The following PARPBP variants were observed in gnomAD, a reference collection of about 807,000 sequenced individuals.
The protein encoded by PARPBP is PARP1 binding protein, also known as PCNA-interacting partner.
A neutral mutation model predicts 50.0 loss-of-function variants in PARPBP; 52 were observed. The ratio of observed to expected loss-of-function variants is 1.04; its 90% CI spans 0.83 to 1.31. The LOEUF is 1.31. PARPBP is among the 50% of genes most tolerant of loss of function. PARPBP has a pLI of 0.00. For synonymous variants in PARPBP, 244 were observed against 232.1 expected (o/e 1.05, Z -0.47); for missense variants, 697 against 672.0 (o/e 1.04, Z -0.41).
intron 3 of PARPBP, chr12:102,150,313 T>C (rs192277034): frequency 6.6e-6 from 3 of 454,318 alleles, no homozygotes; most frequent in East Asian, 7.0e-5. Context: ...TATCCCTAGA[T>C]TGATTTCTCA....
intron 3 of PARPBP, among the ~76,000 whole-genome samples, chr12:102,152,917 TAGA>T (rs1269755828): frequency 9.1e-6 from 1 of 109,674 alleles, no homozygotes. Flanking sequence ...ATTTTCCAAG[TAGA>T]AGAACAGTAA....
chr12:102,154,592 C>T (rs374206126), intron 4 of PARPBP, among the ~76,000 whole-genome samples: 20 of 152,146 alleles, frequency 1.3e-4, no homozygotes, highest in African/African-American at 4.8e-4. Context: ...GGAGTCATAC[C>T]TTCTAAACTG....
At chr12:102,162,519 A>G (rs1887705073) in intron 4 of PARPBP, among the ~76,000 whole-genome samples, 1 of 152,194 alleles carries the variant, frequency 6.6e-6, no homozygotes, top group Non-Finnish European at 1.5e-5. Context: ...AGAAAATTCC[A>G]TGCAAGGAAT....
At position 102,148,380 on chromosome 12, in the gene PARPBP, A is replaced by C. The variant is rs1885713725; in HGVS notation, c.304A>C (p.Ser102Arg). ...GATTTATGATGATTTCTTGAAGAAC[A>C]GTAATATGTTAGATCTGATTGATGT... ...RKIYDDFLKN[S>R]NMLDLIDVYQ... Residue 102 changes from serine to arginine, a missense_variant, in exon 3 of 11, where the codon AGT becomes CGT. Ser to Arg is a moderately radical substitution (Grantham distance 110, BLOSUM62 -1). Coordinates refer to ENST00000327680, the MANE Select transcript of PARPBP (RefSeq NM_017915.5). 1 of 1,587,584 alleles carries C rather than the reference A, an allele frequency of 6.3e-7. No individual in the cohort carries two copies. The highest frequency in any genetic ancestry group is 8.6e-7 in the Non-Finnish European group (1 of 1,156,232).
intron 8 of PARPBP, among the ~76,000 whole-genome samples, chr12:102,179,884 G>C (rs1400888169): frequency 6.6e-6 from 1 of 152,152 alleles, no homozygotes; most frequent in Non-Finnish European, 1.5e-5. Context: ...GTACACTGTA[G>C]AGAATTTTCA....
chr12:102,171,875 A>G (rs921769993), intron 6 of PARPBP, among the ~76,000 whole-genome samples: 2 of 152,134 alleles, frequency 1.3e-5, no homozygotes, highest in Non-Finnish European at 2.9e-5. Flanking sequence ...CCTCAAAAAA[A>G]AAAAAAAATT....
At chr12:102,172,712 T>G (rs981290911) in intron 6 of PARPBP, among the ~76,000 whole-genome samples, 5 of 152,242 alleles carry the variant, frequency 3.3e-5, no homozygotes, top group Non-Finnish European at 7.3e-5. Context: ...GTAGAAGGAA[T>G]GAGAAAAGGA....
At chr12:102,121,688 G>A (rs1252765744) in intron 1 of PARPBP, among the ~76,000 whole-genome samples, 15 of 151,766 alleles carry the variant, frequency 9.9e-5, no homozygotes, top group African/African-American at 3.6e-4. Flanking sequence ...CAAGTAGCTG[G>A]GGTTAGAGGC....
intron 9 of PARPBP, among the ~76,000 whole-genome samples, chr12:102,188,951 A>G (rs1235978130): frequency 6.6e-6 from 1 of 152,148 alleles, no homozygotes; most frequent in Non-Finnish European, 1.5e-5. Flanking sequence ...AGGTAGGGTA[A>G]GTGGACTTGA....
chr12:102,193,331 AATTATT>A (rs1166532745), intron 9 of PARPBP, among the ~76,000 whole-genome samples: 1 of 151,852 alleles, frequency 6.6e-6, no homozygotes, highest in African/African-American at 2.4e-5. Flanking sequence ...TAAATAATAT[AATTATT>A]ATTTAGTATT....
At chr12:102,154,447 G>A (rs752741859) in intron 4 of PARPBP, among the ~76,000 whole-genome samples, 28 of 152,058 alleles carry the variant, frequency 1.8e-4, no homozygotes, top group Non-Finnish European at 2.4e-4. Flanking sequence ...TATAATTTAC[G>A]TTCAGCTGAA....
At chr12:102,192,807 C>T (rs574906290) in intron 9 of PARPBP, among the ~76,000 whole-genome samples, 8 of 151,568 alleles carry the variant, frequency 5.3e-5, no homozygotes, top group African/African-American at 1.2e-4. Flanking sequence ...CTCTAGTATA[C>T]GCTGTGCTTG....
At chr12:102,148,495 C>G (rs1254503776) in intron 3 of PARPBP, 32 bp downstream of exon 3, 6 of 837,784 alleles carry the variant, frequency 7.2e-6, no homozygotes, top group Non-Finnish European at 1.1e-5. Flanking sequence ...CTATTTTAAT[C>G]AAATTAAAAT....
chr12:102,132,512 T>G (rs1049423729), intron 2 of PARPBP, among the ~76,000 whole-genome samples: 1 of 152,222 alleles, frequency 6.6e-6, no homozygotes, highest in Admixed American at 6.5e-5. Context: ...CACTGGTCTA[T>G]CCGTATGTTT....
intron 2 of PARPBP, among the ~76,000 whole-genome samples, chr12:102,144,748 TAAAACTCTA>T (rs1885130652): frequency 6.6e-6 from 1 of 152,202 alleles, no homozygotes; most frequent in Non-Finnish European, 1.5e-5. Context: ...AGTTTAGTTT[TAAAACTCTA>T]AATAACTGGA....
rs369891931 is a variant in PARPBP at position 102,142,631 on chromosome 12, CCTTTGGT to C, written c.154-5593_154-5587del. On this transcript the variant is annotated intron_variant, in intron 2 of 10. Transcript: ENST00000327680. ...CTCCCCATCTTTGTGGTTTTATCTA[CCTTTGGT>C]CTTTGATGAAGGTGACGTACAGATG... Among the ~76,000 whole-genome samples, 207 of 152,258 alleles carry C rather than the reference CCTTTGGT, an allele frequency of 1.4e-3. 1 individual carries two copies. The highest frequency in any genetic ancestry group is 4.8e-3 in the African/African-American group (198 of 41,560).
chr12:102,196,141 A>T lies in PARPBP; in HGVS notation c.1590A>T (p.Gln530His), dbSNP rs1565910479. Residue 530 changes from glutamine (Q) to histidine (H), a missense_variant, in exon 11 of 11, where the codon CAA (glutamine) becomes CAT (histidine). Transcript: ENST00000327680. ...ILCDNRNEPP[Q>H]HKNAKIPKKS... is the part of the protein sequence containing the mutation. ...GTGATAATAGAAATGAACCACCTCA[A>T]CATAAAAATGCTAAAATACCTAAGA... The T allele has an allele frequency of 6.2e-7, 1 of 1,612,192 alleles. No homozygotes were observed. The highest frequency in any genetic ancestry group is 8.5e-7 in the Non-Finnish European group (1 of 1,178,710).
At chr12:102,146,860 C>T (rs1426795964) in intron 2 of PARPBP, among the ~76,000 whole-genome samples, 1 of 151,946 alleles carries the variant, frequency 6.6e-6, no homozygotes, top group African/African-American at 2.4e-5. Context: ...TGAACTCAAA[C>T]AAATTTGCAA....
chr12:102,147,754 T>G (rs755215898), intron 2 of PARPBP, among the ~76,000 whole-genome samples: 3 of 152,088 alleles, frequency 2.0e-5, no homozygotes, highest in Non-Finnish European at 4.4e-5. Context: ...ATGACCATAT[T>G]TTTAGACTAA....
Sources: allele counts gnomAD v4.1 joint callset (sites outside exome capture counted in the v4.1 genomes callset), GRCh38; gene constraint gnomAD v4.1.1; transcripts MANE v1.5; gene names NCBI Gene and HGNC (gene_info 2026-07-23, HGNC 2026-07-21).